The following PDE4D variants were observed in gnomAD, a reference collection of about 807,000 sequenced individuals.
PDE4D encodes the protein 3',5'-cyclic-AMP phosphodiesterase 4D.
In PDE4D, 24 loss-of-function variants were observed where a neutral mutation model predicts 87.4. The ratio of observed to expected loss-of-function variants is 0.27; its 90% CI spans 0.20 to 0.39. The LOEUF (loss-of-function observed/expected upper bound fraction) is 0.39, where lower values mean the gene tolerates loss of function less well. Ranked by LOEUF, PDE4D falls within the 10% of genes least tolerant of loss-of-function variation. The pLI, the probability that PDE4D is intolerant of heterozygous loss-of-function variation, is 1.00. For missense variants in PDE4D, 714 were observed against 1,041.0 expected (o/e 0.69, Z 4.32); for synonymous variants, 384 against 383.2 (o/e 1.00, Z -0.02).
chr5:59,338,025 TA>T (rs1186541347), intron 1 of PDE4D, among the ~76,000 whole-genome samples: 1 of 152,144 alleles, frequency 6.6e-6, no homozygotes, highest in Non-Finnish European at 1.5e-5. Flanking sequence ...GTTCATAGGT[TA>T]AAAAAACACA....
chr5:59,189,235 TTTTTTTTTG>T (rs1370646628), intron 3 of PDE4D, among the ~76,000 whole-genome samples: 1 of 102,698 alleles, frequency 9.7e-6, no homozygotes, highest in Non-Finnish European at 1.9e-5. Flanking sequence ...CTACCCCGTT[TTTTTTTTTG>T]TTTTTTTTGT....
At chr5:59,517,429 C>T (rs1011088913) in intron 1 of PDE4D, among the ~76,000 whole-genome samples, 17 of 152,158 alleles carry the variant, frequency 1.1e-4, no homozygotes, top group Admixed American at 2.6e-4. Context: ...TTACAGTCAC[C>T]TTTCAACCTT....
chr5:59,007,839 T>C (rs531386817), intron 6 of PDE4D, among the ~76,000 whole-genome samples: 26 of 152,190 alleles, frequency 1.7e-4, no homozygotes, highest in African/African-American at 5.8e-4. Context: ...TTAATTTTTT[T>C]TTAACAAAAA....
At chr5:60,418,652 CAG>C (rs1369165837) in intron 1 of PDE4D, among the ~76,000 whole-genome samples, 1 of 151,844 alleles carries the variant, frequency 6.6e-6, no homozygotes, top group Non-Finnish European at 1.5e-5. Flanking sequence ...GATGTTTACA[CAG>C]AGACATGCAA....
intron 1 of PDE4D, among the ~76,000 whole-genome samples, chr5:59,752,494 G>T (rs1361126651): frequency 1.3e-5 from 2 of 152,110 alleles, no homozygotes; most frequent in East Asian, 1.9e-4. Flanking sequence ...TCACAAGACT[G>T]TGCTAGGTGC....
At chr5:59,027,353 A>G (rs778195292) in intron 6 of PDE4D, among the ~76,000 whole-genome samples, 41 of 152,196 alleles carry the variant, frequency 2.7e-4, no homozygotes, top group Non-Finnish European at 5.3e-4. Flanking sequence ...TTTCTCCACT[A>G]CAGTTTCTTT....
chr5:59,499,595 C>G (rs771522365), intron 1 of PDE4D, among the ~76,000 whole-genome samples: 2 of 151,910 alleles, frequency 1.3e-5, no homozygotes, highest in Non-Finnish European at 2.9e-5. Context: ...AGTGACATCA[C>G]AACCAATCCC....
Position 60,004,266 on chromosome 5 carries a change from A to T in PDE4D, c.43-15549T>A, listed in dbSNP as rs148780746. Among the ~76,000 whole-genome samples the T allele has an allele frequency of 5.9e-5, 9 of 152,262 alleles. No homozygotes were observed. Among genetic ancestry groups the T allele is most frequent in the South Asian group, 2.1e-4 (1 of 4,828 alleles). The stretch of plus-strand genomic sequence containing the variant: ...TAGAAAATATTTGCAAACCATACAT[A>T]GTTTTACCTTGGTATCCATGGGGGA... On this transcript the variant is annotated intron_variant, in intron 2 of 16. Transcript: ENST00000502484.
In PDE4D at chr5:59,065,464, G is replaced by T. The variant is rs117785110; in HGVS notation, c.809-26493C>A. 1.6e-4 allele frequency among the ~76,000 whole-genome samples: 25 copies of T among 152,118 alleles called. No individual in the cohort carries two copies. In the South Asian group the frequency reaches 5.0e-3, roughly 30 times the overall value. ...GTATACTTAGAAATTTGGTAAAAGG[G>T]TAGCTGTTATATTAAGTGTCCTTAC... On this transcript the variant is annotated intron_variant, in intron 5 of 14. Transcript: ENST00000340635.
chr5:59,909,973 C>T (rs1243498178), intron 3 of PDE4D, among the ~76,000 whole-genome samples: 1 of 152,016 alleles, frequency 6.6e-6, no homozygotes, highest in Non-Finnish European at 1.5e-5. Context: ...CCATATATAC[C>T]CCCCACCATC....
At chr5:59,914,536 ATGTG>A (rs34257506) in intron 3 of PDE4D, among the ~76,000 whole-genome samples, 59,404 of 145,140 alleles carry the variant, frequency 0.41, 12,059 homozygotes, top group East Asian at 0.72. Flanking sequence ...AGGAAGATGT[ATGTG>A]TGTGTGTGTG....
chr5:59,812,971 CAT>C (rs1768536744), intron 1 of PDE4D, among the ~76,000 whole-genome samples: 1 of 152,220 alleles, frequency 6.6e-6, no homozygotes, highest in Non-Finnish European at 1.5e-5. Context: ...AAGTGGGAGA[CAT>C]AATAATATTC....
At chr5:59,244,451 CATAT>C (rs10556090) in intron 1 of PDE4D, among the ~76,000 whole-genome samples, 2 of 149,134 alleles carry the variant, frequency 1.3e-5, no homozygotes, top group African/African-American at 4.9e-5. Flanking sequence ...TATACACACA[CATAT>C]ATATATATAC....
chr5:58,977,739 A>G (rs1030891041), intron 11 of PDE4D, among the ~76,000 whole-genome samples: 2 of 152,176 alleles, frequency 1.3e-5, no homozygotes, highest in African/African-American at 4.8e-5. Context: ...CCTACCCTGC[A>G]CTATATAAAG....
intron 1 of PDE4D, among the ~76,000 whole-genome samples, chr5:59,463,000 A>G (rs1801005220): frequency 1.3e-5 from 2 of 152,150 alleles, no homozygotes; most frequent in Admixed American, 6.6e-5. Context: ...AATCCTTTAC[A>G]TATAATCTTG....
intron 1 of PDE4D, among the ~76,000 whole-genome samples, chr5:59,691,026 A>G (rs1471070542): frequency 6.6e-6 from 1 of 152,242 alleles, no homozygotes; most frequent in Non-Finnish European, 1.5e-5. Flanking sequence ...ATGAGATATC[A>G]TCTCACACCA....
intron 1 of PDE4D, among the ~76,000 whole-genome samples, chr5:59,264,539 A>T (rs980845937): frequency 3.3e-5 from 5 of 151,984 alleles, no homozygotes; most frequent in Non-Finnish European, 5.9e-5. Flanking sequence ...TTACTGATTC[A>T]TATACTAGTA....
intron 1 of PDE4D, among the ~76,000 whole-genome samples, chr5:60,436,287 A>C (rs1449245757): frequency 6.6e-6 from 1 of 152,114 alleles, no homozygotes; most frequent in African/African-American, 2.4e-5. Context: ...AGTGTCTTAT[A>C]TGAAACCAAT....
chr5:60,358,833 G>A (rs1327475692), intron 1 of PDE4D, among the ~76,000 whole-genome samples: 1 of 152,092 alleles, frequency 6.6e-6, no homozygotes, highest in Non-Finnish European at 1.5e-5. Flanking sequence ...CAAATCACTA[G>A]CAAACAAGAT....
Sources: gnomAD v4.1 joint callset for allele counts (sites outside exome capture counted in the v4.1 genomes callset) on GRCh38, gnomAD v4.1.1 for gene constraint, MANE v1.5 for transcripts, NCBI Gene and HGNC (gene_info 2026-07-23, HGNC 2026-07-21) for gene names.